The following LYZL4 variants were observed in gnomAD, a reference collection of about 807,000 sequenced individuals.
LYZL4 encodes the protein lysozyme like 4.
A neutral mutation model predicts 17.6 loss-of-function variants in LYZL4; 13 were observed. The ratio of observed to expected loss-of-function variants is 0.74; its 90% CI spans 0.48 to 1.18. The LOEUF is 1.18. Ranked by LOEUF, LYZL4 falls within the 50% of genes most tolerant of loss-of-function variation. LYZL4 has a pLI of 0.00. For synonymous variants in LYZL4, 64 were observed against 67.7 expected, an observed-to-expected ratio of 0.95 and a Z score of 0.27; for missense variants, 174 against 188.2, an observed-to-expected ratio of 0.92 and a Z score of 0.44.
chr3:42,370,704 G>A, the LYZL4 span, among the ~76,000 whole-genome samples: 5 of 152,130 alleles, frequency 3.3e-5, no homozygotes, highest in Non-Finnish European at 7.4e-5. Flanking sequence ...ATCTTCTGAG[G>A]CCCACTTAGT....
the LYZL4 span, among the ~76,000 whole-genome samples, chr3:42,388,682 T>C: frequency 6.6e-6 from 1 of 152,240 alleles, no homozygotes; most frequent in Non-Finnish European, 1.5e-5. Context: ...TCAGAACTGC[T>C]AAGCTAGTTG....
the LYZL4 span, among the ~76,000 whole-genome samples, chr3:42,386,568 A>T: frequency 6.6e-6 from 1 of 152,126 alleles, no homozygotes; most frequent in Non-Finnish European, 1.5e-5. Flanking sequence ...GGACTAGGAC[A>T]TGTATATCTT....
the LYZL4 span, among the ~76,000 whole-genome samples, chr3:42,389,578 C>G: frequency 6.6e-6 from 1 of 152,200 alleles, no homozygotes; most frequent in East Asian, 1.9e-4. Flanking sequence ...AAGCTGTGCC[C>G]TATTCCAGAA....
At chr3:42,385,885 A>G in the LYZL4 span, among the ~76,000 whole-genome samples, 18 of 152,206 alleles carry the variant, frequency 1.2e-4, no homozygotes, top group Non-Finnish European at 2.4e-4. Flanking sequence ...GCTGTACCCA[A>G]TGGCCACAAA....
At chr3:42,404,634 T>C (rs1274200619) in intron 3 of LYZL4, among the ~76,000 whole-genome samples, 8 of 152,194 alleles carry the variant, frequency 5.3e-5, no homozygotes, top group South Asian at 2.1e-4. Flanking sequence ...GTGTCTCCCA[T>C]TGGATTCTGG....
At position 42,407,232 on chromosome 3, in the gene LYZL4, A is replaced by G. The variant is rs760774833; in HGVS notation, c.20T>C (p.Leu7Pro). 3 of 1,614,164 alleles carry G rather than the reference A, an allele frequency of 1.9e-6. No homozygotes were observed. The East Asian group carries it at 6.7e-5, about 36-fold the overall frequency. The change falls in exon 2 of 5, where the codon CTC (leucine) becomes CCC (proline). Residue 7 changes from leucine to proline, a missense_variant. By Grantham distance (98) the Leu-to-Pro change is moderately conservative. Transcript: ENST00000287748. The stretch of plus-strand genomic sequence containing the variant: ...AACCACCAGGTAGCCAAGGAGGGAG[A>G]GAACCACGGATGCCTTCATCTTCTC... MKASVV[L>P]SLLGYLVVPS... is the part of the protein sequence containing the mutation.
the LYZL4 span, among the ~76,000 whole-genome samples, chr3:42,367,419 G>C: frequency 7.2e-5 from 11 of 152,214 alleles, no homozygotes; most frequent in African/African-American, 2.7e-4. Context: ...GGGGTGGGAA[G>C]AATAAGCGGA....
intron 4 of LYZL4, among the ~76,000 whole-genome samples, chr3:42,403,785 T>C (rs1698701557): frequency 6.6e-6 from 1 of 152,208 alleles, no homozygotes; most frequent in South Asian, 2.1e-4. Flanking sequence ...AGATTTAGTT[T>C]GAAGATGTTC....
chr3:42,394,989 T>C (rs1319091596), downstream of LYZL4, among the ~76,000 whole-genome samples: 1 of 152,244 alleles, frequency 6.6e-6, no homozygotes, highest in Non-Finnish European at 1.5e-5. Context: ...ATAAAAAAGT[T>C]GATCAAAGCT....
intron 4 of LYZL4, among the ~76,000 whole-genome samples, chr3:42,401,887 A>G (rs1298680073): frequency 6.6e-6 from 1 of 152,104 alleles, no homozygotes; most frequent in East Asian, 1.9e-4. Context: ...GGCTGCCACT[A>G]TTGTCACTTC....
chr3:42,377,917 T>C, the LYZL4 span, among the ~76,000 whole-genome samples: 9 of 152,172 alleles, frequency 5.9e-5, no homozygotes, highest in Admixed American at 5.2e-4. Flanking sequence ...TCTGGTGCAC[T>C]GACATTACCA....
chr3:42,373,079 C>T, the LYZL4 span, among the ~76,000 whole-genome samples: 3 of 151,954 alleles, frequency 2.0e-5, no homozygotes, highest in Non-Finnish European at 4.4e-5. Context: ...GGCATGGTGG[C>T]GAGTGCCTGT....
rs775668179 is a variant in LYZL4, at chr3:42,407,231, G to A, written c.21C>T (p.Leu7=). The change falls in exon 2 of 5, where the codon CTC becomes CTT. Residue 7 remains leucine (L), a synonymous_variant. Coordinates refer to ENST00000287748, the MANE Select transcript of LYZL4 (RefSeq NM_144634.4). MKASVV[L]SLLGYLVVPS... ...GAACCACCAGGTAGCCAAGGAGGGAGAGAACCACGGATGCCTTCATCTTCT... is the reference window on the plus strand; with the variant it reads ...GAACCACCAGGTAGCCAAGGAGGGAAAGAACCACGGATGCCTTCATCTTCT... The A allele has an allele frequency of 8.7e-6, 14 of 1,614,060 alleles. No individual in the cohort carries two copies. The South Asian group carries it at 1.2e-4, about 14-fold the overall frequency.
chr3:42,369,695 G>A, the LYZL4 span, among the ~76,000 whole-genome samples: 1 of 152,174 alleles, frequency 6.6e-6, no homozygotes, highest in Non-Finnish European at 1.5e-5. Context: ...CCATCCGGAG[G>A]GGCAATGGCA....
the LYZL4 span, among the ~76,000 whole-genome samples, chr3:42,369,694 G>T: frequency 7.2e-5 from 11 of 152,160 alleles, no homozygotes; most frequent in Non-Finnish European, 1.0e-4. Flanking sequence ...CCCATCCGGA[G>T]GGGCAATGGC....
At chr3:42,368,514 T>C in the LYZL4 span, among the ~76,000 whole-genome samples, 1 of 152,244 alleles carries the variant, frequency 6.6e-6, no homozygotes, top group Non-Finnish European at 1.5e-5. Flanking sequence ...ACCTGCTTTT[T>C]TTCCCTTTCA....
chr3:42,374,475 C>A, the LYZL4 span, among the ~76,000 whole-genome samples: 2 of 152,208 alleles, frequency 1.3e-5, no homozygotes, highest in Non-Finnish European at 2.9e-5. Flanking sequence ...ACTTTTCACC[C>A]AGCTTTGGGA....
At chr3:42,382,943 G>A in the LYZL4 span, among the ~76,000 whole-genome samples, 2 of 151,966 alleles carry the variant, frequency 1.3e-5, no homozygotes, top group Admixed American at 6.6e-5. Context: ...AGGAACAACC[G>A]GCAGCAGTGA....
chr3:42,371,957 T>C, the LYZL4 span, among the ~76,000 whole-genome samples: 1 of 152,194 alleles, frequency 6.6e-6, no homozygotes, highest in East Asian at 1.9e-4. Flanking sequence ...TGTGCCAACC[T>C]CCACAGTCAC....
Sources: allele counts gnomAD v4.1 joint callset (sites outside exome capture counted in the v4.1 genomes callset), GRCh38; gene constraint gnomAD v4.1.1; transcripts MANE v1.5; gene names NCBI Gene and HGNC (gene_info 2026-07-23, HGNC 2026-07-21).